TNFSF8: variants seen among roughly 807,000 people sequenced by gnomAD.
TNFSF8 encodes tumor necrosis factor ligand superfamily member 8.
In TNFSF8, 4 loss-of-function variants were observed where a neutral mutation model predicts 22.0. The ratio of observed to expected loss-of-function variants is 0.18; its 90% CI spans 0.09 to 0.42. The LOEUF (loss-of-function observed/expected upper bound fraction) is 0.42, where lower values mean the gene tolerates loss of function less well. Among genes scored for constraint, TNFSF8 ranks in the 10% least tolerant of loss-of-function variants. The probability of loss-of-function intolerance (pLI) is 1.00; values close to 1 mark genes in which losing one functional copy is unlikely to be tolerated. For missense variants in TNFSF8, 233 were observed against 281.8 expected (o/e 0.83, Z 1.24); for synonymous variants, 106 against 112.5 (o/e 0.94, Z 0.37).
chr9:114,918,386 G>A (rs1397317767), intron 1 of TNFSF8, among the ~76,000 whole-genome samples: 3 of 151,948 alleles, frequency 2.0e-5, no homozygotes, highest in Non-Finnish European at 2.9e-5. Flanking sequence ...ACGGGGTTGA[G>A]TGAGATAAAA....
intron 1 of TNFSF8, among the ~76,000 whole-genome samples, chr9:114,923,265 C>T (rs966839533): frequency 1.3e-5 from 2 of 152,086 alleles, no homozygotes; most frequent in African/African-American, 4.8e-5. Flanking sequence ...TCCTCCTCCT[C>T]CTGCCACCAT....
intron 2 of TNFSF8, among the ~76,000 whole-genome samples, chr9:114,908,129 T>C (rs1258111960): frequency 3.3e-5 from 5 of 152,262 alleles, no homozygotes; most frequent in Non-Finnish European, 7.3e-5. Context: ...TCCTCCAGGA[T>C]ACTTCCTTTG....
At chr9:114,909,516 C>T (rs1827827279) in intron 2 of TNFSF8, among the ~76,000 whole-genome samples, 1 of 152,128 alleles carries the variant, frequency 6.6e-6, no homozygotes, top group African/African-American at 2.4e-5. Flanking sequence ...GTGGTTTTGG[C>T]ATTAAAAGCA....
intron 2 of TNFSF8, among the ~76,000 whole-genome samples, chr9:114,917,126 TGTGA>T (rs1276789607): frequency 1.3e-5 from 2 of 152,230 alleles, no homozygotes; most frequent in Non-Finnish European, 2.9e-5. Context: ...AGTGTGATGC[TGTGA>T]GTGTGAGGAG....
intron 1 of TNFSF8, among the ~76,000 whole-genome samples, chr9:114,927,675 A>G (rs1012733277): frequency 6.6e-6 from 1 of 152,206 alleles, no homozygotes; most frequent in Non-Finnish European, 1.5e-5. Context: ...TTTTGTCTAT[A>G]CACGTGCCTT....
chr9:114,894,279 G>A, intron 4 of TNFSF8: 3 of 850,410 alleles, frequency 3.5e-6, no homozygotes, highest in East Asian at 2.7e-5. Flanking sequence ...GTACAATCAT[G>A]CTGTCATAGT....
At chr9:114,900,014 T>A (rs913535571), downstream of TNFSF8, among the ~76,000 whole-genome samples, 3 of 152,148 alleles carry the variant, frequency 2.0e-5, no homozygotes, top group Non-Finnish European at 4.4e-5. Flanking sequence ...TAAAAGCAAA[T>A]TAAATGTTCT....
At chr9:114,922,884 T>A (rs963310433) in intron 1 of TNFSF8, among the ~76,000 whole-genome samples, 1 of 152,088 alleles carries the variant, frequency 6.6e-6, no homozygotes, top group Non-Finnish European at 1.5e-5. Flanking sequence ...CCTTAGGTTT[T>A]GCATTTTTGA....
chr9:114,929,928 C>T (rs1272001488), intron 1 of TNFSF8, among the ~76,000 whole-genome samples, 181 bp downstream of exon 1: 3 of 146,628 alleles, frequency 2.0e-5, no homozygotes, highest in Non-Finnish European at 4.5e-5. Flanking sequence ...TATTATGTAA[C>T]ATAAGTGTAT....
At chr9:114,894,276 C>A in intron 4 of TNFSF8, 1 of 866,292 alleles carries the variant, frequency 1.2e-6, no homozygotes, top group Non-Finnish European at 1.8e-6. Context: ...AATGTACAAT[C>A]ATGCTGTCAT....
chr9:114,904,679 G>A (rs1000769513), intron 3 of TNFSF8, among the ~76,000 whole-genome samples: 2 of 152,108 alleles, frequency 1.3e-5, no homozygotes, highest in Non-Finnish European at 2.9e-5. Flanking sequence ...CCTGGACTCT[G>A]TTCTCCACAA....
chr9:114,926,595 C>G (rs757761039), intron 1 of TNFSF8, among the ~76,000 whole-genome samples: 1 of 152,176 alleles, frequency 6.6e-6, no homozygotes, highest in Non-Finnish European at 1.5e-5. Context: ...CTATGCGACT[C>G]TTCAAAAGAA....
chr9:114,899,877 T>G (rs1827697642), downstream of TNFSF8, among the ~76,000 whole-genome samples: 1 of 152,226 alleles, frequency 6.6e-6, no homozygotes, highest in African/African-American at 2.4e-5. Flanking sequence ...GTTAACTCAG[T>G]GTCTTTGTGA....
At chr9:114,922,608 G>T (rs1044770517) in intron 1 of TNFSF8, among the ~76,000 whole-genome samples, 8 of 152,196 alleles carry the variant, frequency 5.3e-5, no homozygotes, top group African/African-American at 1.7e-4. Flanking sequence ...TGACTTTGAA[G>T]GCACTGCTCT....
intron 2 of TNFSF8, among the ~76,000 whole-genome samples, chr9:114,914,482 A>C (rs1356100259): frequency 1.3e-5 from 2 of 152,234 alleles, no homozygotes; most frequent in African/African-American, 4.8e-5. Flanking sequence ...TGGAAGCAGA[A>C]AAGTGAAACA....
Position 114,904,014 on chromosome 9 carries a change from C to T in TNFSF8, c.622G>A (p.Val208Met). Residue 208 changes from valine to methionine, a missense_variant, in exon 4 of 4, where the codon GTG (valine) becomes ATG (methionine). Transcript: ENST00000223795. ...GTATCTATGTACTGGAATGTATCCA[C>T]ATTGACTGATATGGTGGTGTTGACC... The part of the protein sequence containing the change: ...LQVNTTISVN[V>M]DTFQYIDTST... 6.2e-7 allele frequency: 1 copy of T among 1,614,142 alleles called. No individual in the cohort carries two copies. The highest frequency in any genetic ancestry group is 8.5e-7 in the Non-Finnish European group (1 of 1,179,980).
At position 114,902,689 on chromosome 9, in the gene TNFSF8, G is replaced by T; in HGVS notation, c.*1242C>A. 1.0e-6 allele frequency: 1 copy of T among 985,392 alleles called. No homozygotes were observed. The allele number at this position is 985,392 out of a possible 1,614,324, so 61.0% of individuals were successfully genotyped here. On this transcript the variant is annotated 3_prime_UTR_variant, in exon 4 of 4. Coordinates refer to ENST00000223795, the MANE Select transcript of TNFSF8 (RefSeq NM_001244.4). ...TTCAATTATATACTGGGGTAGGGGG[G>T]CCTTATTTTGGTTGGAGAGCTTCCA...
At position 114,895,080 on chromosome 9, in the gene TNFSF8, T is replaced by A. The variant is rs570251438; in HGVS notation, c.410-916A>T. 3.9e-5 allele frequency among the ~76,000 whole-genome samples: 6 copies of A among 152,334 alleles called. No individual in the cohort carries two copies. The East Asian group carries it at 1.2e-3, about 29-fold the overall frequency. On this transcript the variant is annotated intron_variant, in intron 4 of 4. Transcript: ENST00000618336. ...AATGGAAAGGAAATGATGAAATACTTCAGCTGGTTTTTGTTTGGAGCCTCC... is the reference window on the plus strand; with the variant it reads ...AATGGAAAGGAAATGATGAAATACTACAGCTGGTTTTTGTTTGGAGCCTCC...
At chr9:114,916,604 A>T (rs1827922128) in intron 2 of TNFSF8, among the ~76,000 whole-genome samples, 1 of 152,172 alleles carries the variant, frequency 6.6e-6, no homozygotes, top group Non-Finnish European at 1.5e-5. Context: ...GGTTTTTCCA[A>T]AGCTCCGTGT....
Sources: allele counts gnomAD v4.1 joint callset (sites outside exome capture counted in the v4.1 genomes callset), GRCh38; gene constraint gnomAD v4.1.1; transcripts MANE v1.5; gene names NCBI Gene and HGNC (gene_info 2026-07-23, HGNC 2026-07-21).